PFKP: variants seen among roughly 807,000 people sequenced by gnomAD.
The protein encoded by PFKP is ATP-dependent 6-phosphofructokinase, platelet type.
Under a neutral mutation model 94.3 loss-of-function variants are expected in PFKP, and 101 were observed. The ratio of observed to expected loss-of-function variants is 1.07; its 90% CI spans 0.91 to 1.26. PFKP has a LOEUF of 1.26. Ranked by LOEUF, PFKP falls within the 50% of genes most tolerant of loss-of-function variation. The probability of loss-of-function intolerance (pLI) is 0.00; values close to 1 mark genes in which losing one functional copy is unlikely to be tolerated. For missense variants in PFKP, 1,145 were observed against 1,103.3 expected (o/e 1.04, Z -0.53); for synonymous variants, 573 against 432.6 (o/e 1.32, Z -4.03).
chr10:3,101,599 T>C, intron 4 of PFKP, 45 bp downstream of exon 4: 1 of 1,383,644 alleles, frequency 7.2e-7, no homozygotes, highest in Non-Finnish European at 9.6e-7. Context: ...TTCGCCCTGT[T>C]TCAGAGCTTT....
At chr10:3,099,681 A>G (rs997626271) in intron 3 of PFKP, among the ~76,000 whole-genome samples, 8 of 152,200 alleles carry the variant, frequency 5.3e-5, no homozygotes, top group Non-Finnish European at 8.8e-5. Flanking sequence ...AGGTGGAGGG[A>G]ATTTTGACAA....
chr10:3,075,904 C>CA (rs577636701), intron 1 of PFKP, among the ~76,000 whole-genome samples: 7,273 of 70,162 alleles, frequency 0.1, 585 homozygotes, highest in African/African-American at 0.21. Context: ...GACCCTATCG[C>CA]AAAAAAAAAA....
At chr10:3,101,287 T>A in intron 3 of PFKP, 78 bp from the exon 4 acceptor site, 3 of 1,186,164 alleles carry the variant, frequency 2.5e-6, no homozygotes, top group Non-Finnish European at 2.4e-6. Context: ...ACCCCATGTT[T>A]ATAGTCGGCC....
chr10:3,101,983 G>A (rs146005391), intron 4 of PFKP, among the ~76,000 whole-genome samples: 2 of 150,894 alleles, frequency 1.3e-5, no homozygotes, highest in African/African-American at 2.4e-5. Context: ...CGGGCGCGGT[G>A]GCTCACGCCT....
intron 16 of PFKP, chr10:3,129,569 C>G (rs988245016): frequency 2.0e-6 from 1 of 498,764 alleles, no homozygotes; most frequent in African/African-American, 2.0e-5. Flanking sequence ...CGGCAGATGG[C>G]CAGGCCCCCA....
At chr10:3,072,938 G>A (rs992662542) in intron 1 of PFKP, among the ~76,000 whole-genome samples, 1 of 151,906 alleles carries the variant, frequency 6.6e-6, no homozygotes, top group African/African-American at 2.4e-5. Context: ...ATTGGGTTCC[G>A]TTTTGTGTTT....
chr10:3,108,915 G>A (rs1230424077), intron 9 of PFKP, 122 bp downstream of exon 9: 5 of 737,310 alleles, frequency 6.8e-6, no homozygotes, highest in Non-Finnish European at 1.2e-5. Context: ...CCCGCGGCCC[G>A]GCCCTCATCT....
intron 3 of PFKP, chr10:3,100,830 A>C: frequency 1.5e-6 from 1 of 669,700 alleles, no homozygotes; most frequent in African/African-American, 1.9e-5. Flanking sequence ...CTGAAGATAT[A>C]GCTCTTTAAA....
chr10:3,123,124 C>T (rs12268267), intron 16 of PFKP, among the ~76,000 whole-genome samples: 19,299 of 152,168 alleles, frequency 0.13, 1,272 homozygotes, highest in Admixed American at 0.16. Context: ...CCGGGCAGAG[C>T]AGAAGGAATG....
intron 16 of PFKP, among the ~76,000 whole-genome samples, chr10:3,121,568 G>A (rs978183241): frequency 7.3e-6 from 1 of 137,150 alleles, no homozygotes; most frequent in Non-Finnish European, 1.5e-5. Context: ...AGGGTCCTCT[G>A]CTATAAATAA....
In PFKP at chr10:3,108,781, C is replaced by T. The variant is rs1132173; in HGVS notation, c.951C>T (p.Phe317=). 538,396 of 1,609,162 alleles carry T rather than the reference C, an allele frequency of 0.33. 91,818 individuals are homozygous for T. Among genetic ancestry groups the T allele is most frequent in the East Asian group, 0.48 (21,697 of 44,822 alleles). Residue 317 remains phenylalanine, a synonymous_variant, in exon 9 of 22, where the codon TTC becomes TTT. Coordinates refer to ENST00000381125, the MANE Select transcript of PFKP (RefSeq NM_002627.5). Reference sequence around the variant, plus strand: ...AGAGAGGAGGGACCCCTTCGGCATTCGACAGGATCTTGGTGAGTTGGGAAG... The same window carrying T: ...AGAGAGGAGGGACCCCTTCGGCATTTGACAGGATCTTGGTGAGTTGGGAAG... ...HVQRGGTPSA[F]DRILASRMGV...
chr10:3,079,451 G>A (rs1295021192), intron 1 of PFKP, among the ~76,000 whole-genome samples: 2 of 151,962 alleles, frequency 1.3e-5, no homozygotes, highest in Admixed American at 6.6e-5. Flanking sequence ...AGCCAGGATG[G>A]TCTCGATCTC....
At chr10:3,132,487 C>T in intron 18 of PFKP, 46 bp downstream of exon 18, 1 of 1,344,362 alleles carries the variant, frequency 7.4e-7, no homozygotes, top group Non-Finnish European at 1.1e-6. Context: ...ACCGCCACAC[C>T]CTGGTTCTTA....
chr10:3,112,482 C>T (rs1318146975), intron 11 of PFKP, among the ~76,000 whole-genome samples, 196 bp downstream of exon 11: 1 of 152,194 alleles, frequency 6.6e-6, no homozygotes, highest in African/African-American at 2.4e-5. Context: ...CTAAATTTGC[C>T]ATTGGTCCTT....
At chr10:3,079,480 C>T (rs376924821) in intron 1 of PFKP, among the ~76,000 whole-genome samples, 13 of 152,162 alleles carry the variant, frequency 8.5e-5, no homozygotes, top group African/African-American at 3.1e-4. Context: ...GTGATCTGCC[C>T]ACCTAGGCCT....
At chr10:3,105,773 C>T (rs987542731) in intron 7 of PFKP, among the ~76,000 whole-genome samples, 4 of 152,316 alleles carry the variant, frequency 2.6e-5, no homozygotes, top group East Asian at 1.9e-4. Flanking sequence ...CTCCGGCAGG[C>T]AGACTTCAGG....
rs191006298 is a variant in PFKP at position 3,093,865 on chromosome 10, C to T, written c.187-5410C>T. ...TCACCGTGTTAGCCAGGATGGTCTC[C>T]ATCTCCTGACCTTGTGATCCGCCCG... is the stretch of plus-strand genomic sequence containing the variant. On this transcript the variant is annotated intron_variant, in intron 2 of 21. Transcript: ENST00000381125. 7.2e-5 allele frequency among the ~76,000 whole-genome samples: 11 copies of T among 152,160 alleles called. No individual in the cohort carries two copies. In the East Asian group the frequency reaches 9.7e-4, roughly 13 times the overall value.
At chr10:3,117,499 T>A (rs1216357046) in intron 14 of PFKP, among the ~76,000 whole-genome samples, 1 of 152,198 alleles carries the variant, frequency 6.6e-6, no homozygotes, top group Non-Finnish European at 1.5e-5. Flanking sequence ...ATATAATAAA[T>A]GATGGATTCC....
intron 13 of PFKP, 47 bp from the exon 14 acceptor site, chr10:3,116,728 GC>G: frequency 7.1e-7 from 1 of 1,414,268 alleles, no homozygotes; most frequent in East Asian, 2.3e-5. Context: ...TTTGCAACTT[GC>G]CTTTCATTGT....
Sources: gnomAD v4.1 joint callset for allele counts (sites outside exome capture counted in the v4.1 genomes callset) on GRCh38, gnomAD v4.1.1 for gene constraint, MANE v1.5 for transcripts, NCBI Gene and HGNC (gene_info 2026-07-23, HGNC 2026-07-21) for gene names.